SGCD: variants seen among roughly 807,000 people sequenced by gnomAD.
SGCD encodes delta-sarcoglycan.
In SGCD, 18 loss-of-function variants were observed where a neutral mutation model predicts 36.6. The ratio of observed to expected loss-of-function variants is 0.49; its 90% CI spans 0.34 to 0.73. The LOEUF is 0.73. Among genes scored for constraint, SGCD ranks in the 30% least tolerant of loss-of-function variants. The pLI is 0.01. For synonymous variants in SGCD, 133 were observed against 130.6 expected (o/e 1.02, Z -0.12); for missense variants, 387 against 346.7 (o/e 1.12, Z -0.92).
chr5:156,473,968 G>GT (rs113602671), intron 3 of SGCD, among the ~76,000 whole-genome samples: 12,460 of 143,934 alleles, frequency 0.087, 539 homozygotes, highest in Non-Finnish European at 0.096. Context: ...TTGTGTGTGG[G>GT]TTTTTTTTTT....
chr5:155,800,644 C>T, the SGCD span, among the ~76,000 whole-genome samples: 1 of 151,578 alleles, frequency 6.6e-6, no homozygotes, highest in Non-Finnish European at 1.5e-5. Context: ...GGAGTTGTGT[C>T]TTTTTTCATC....
chr5:156,240,588 C>T (rs531085551), intron 3 of SGCD, among the ~76,000 whole-genome samples: 2 of 152,250 alleles, frequency 1.3e-5, no homozygotes, highest in East Asian at 3.9e-4. Flanking sequence ...TGTTACTCAT[C>T]TGTGATGAGA....
chr5:156,738,221 A>C lies in SGCD; in HGVS notation c.576-19360A>C, dbSNP rs111820415. Among the ~76,000 whole-genome samples, 1,390 of 152,322 alleles carry C rather than the reference A, an allele frequency of 9.1e-3. 15 individuals are homozygous for C. The highest frequency in any genetic ancestry group is 0.031 in the African/African-American group (1,276 of 41,568). On this transcript the variant is annotated intron_variant, in intron 7 of 8. Coordinates refer to ENST00000337851, the MANE Select transcript of SGCD (RefSeq NM_000337.6). ...TCTTTGATATTCAAATCAATTATTT[A>C]GTTTCTATCTCACTTTAGAAAGAAT...
At chr5:156,370,132 A>G (rs975843517) in intron 3 of SGCD, among the ~76,000 whole-genome samples, 7 of 152,204 alleles carry the variant, frequency 4.6e-5, no homozygotes, top group Admixed American at 3.9e-4. Flanking sequence ...TTAAGGTCGC[A>G]GATTCTGCTC....
At chr5:156,182,570 CTGGG>C (rs1393569271) in intron 3 of SGCD, among the ~76,000 whole-genome samples, 1 of 152,128 alleles carries the variant, frequency 6.6e-6, no homozygotes, top group Non-Finnish European at 1.5e-5. Flanking sequence ...GCACTCCAGC[CTGGG>C]TGATAGAGTG....
intron 1 of SGCD, among the ~76,000 whole-genome samples, chr5:156,036,272 A>G (rs1759494427): frequency 6.6e-6 from 1 of 152,160 alleles, no homozygotes; most frequent in Non-Finnish European, 1.5e-5. Flanking sequence ...CAGGTGGCTA[A>G]CACTTAAGAT....
At chr5:156,714,975 G>A (rs114612259) in intron 7 of SGCD, among the ~76,000 whole-genome samples, 102 of 152,224 alleles carry the variant, frequency 6.7e-4, no homozygotes, top group African/African-American at 2.0e-3. Context: ...CTGTTCTACC[G>A]TTGACTGGAG....
intron 7 of SGCD, among the ~76,000 whole-genome samples, chr5:156,649,653 T>C (rs1189972187): frequency 2.0e-5 from 3 of 150,020 alleles, no homozygotes; most frequent in South Asian, 4.2e-4. Context: ...TAGGTGGGAA[T>C]TGAACAATGA....
chr5:155,799,764 C>CT, the SGCD span, among the ~76,000 whole-genome samples: 2 of 143,362 alleles, frequency 1.4e-5, no homozygotes, highest in African/African-American at 2.6e-5. Flanking sequence ...CACAATGTAA[C>CT]TTTTTTCAAA....
At chr5:156,360,225 C>T (rs1300626667) in intron 3 of SGCD, among the ~76,000 whole-genome samples, 1 of 150,926 alleles carries the variant, frequency 6.6e-6, no homozygotes, top group Admixed American at 6.6e-5. Context: ...GCCTATTTTA[C>T]ATATACCTAC....
At chr5:155,801,555 A>G in the SGCD span, among the ~76,000 whole-genome samples, 1 of 152,192 alleles carries the variant, frequency 6.6e-6, no homozygotes, top group Admixed American at 6.5e-5. Flanking sequence ...TCTGAGTTCT[A>G]CTGGAAAAGT....
intron 6 of SGCD, among the ~76,000 whole-genome samples, chr5:156,625,885 G>T (rs879414705): frequency 1.3e-5 from 2 of 152,180 alleles, no homozygotes; most frequent in Non-Finnish European, 2.9e-5. Context: ...TGAGGATGGG[G>T]TTAGTCTGGA....
intron 3 of SGCD, among the ~76,000 whole-genome samples, chr5:156,133,958 CACA>C (rs1213491424): frequency 6.9e-6 from 1 of 144,692 alleles, no homozygotes; most frequent in Non-Finnish European, 1.5e-5. Flanking sequence ...CACACACACA[CACA>C]GTTTCTCTCT....
At chr5:156,139,183 G>A (rs1226158760) in intron 3 of SGCD, among the ~76,000 whole-genome samples, 1 of 152,062 alleles carries the variant, frequency 6.6e-6, no homozygotes, top group Non-Finnish European at 1.5e-5. Context: ...TAATTTTGAT[G>A]AAGTCCAGTT....
chr5:156,555,670 TC>T (rs1350172447), intron 4 of SGCD, among the ~76,000 whole-genome samples: 1 of 148,464 alleles, frequency 6.7e-6, no homozygotes, highest in Non-Finnish European at 1.5e-5. Context: ...ACAAATTTGT[TC>T]TTTTTTTTTT....
At chr5:156,411,343 G>A (rs1772741314) in intron 3 of SGCD, among the ~76,000 whole-genome samples, 2 of 152,280 alleles carry the variant, frequency 1.3e-5, no homozygotes, top group South Asian at 2.1e-4. Context: ...GCAGCAGAAG[G>A]GCAGCCCCTT....
At chr5:155,804,496 G>A in the SGCD span, among the ~76,000 whole-genome samples, 3 of 152,196 alleles carry the variant, frequency 2.0e-5, no homozygotes, top group African/African-American at 7.2e-5. Context: ...TATGCTGTAT[G>A]ATTGTATCCA....
At chr5:155,812,073 C>T in the SGCD span, among the ~76,000 whole-genome samples, 1 of 152,150 alleles carries the variant, frequency 6.6e-6, no homozygotes, top group African/African-American at 2.4e-5. Flanking sequence ...AAGCTGGTTA[C>T]AAACAATCCA....
At chr5:156,742,443 A>G (rs1221024053) in intron 7 of SGCD, among the ~76,000 whole-genome samples, 1 of 152,136 alleles carries the variant, frequency 6.6e-6, no homozygotes, top group African/African-American at 2.4e-5. Context: ...TACTGGTAAT[A>G]AAATCTACAA....
Sources: gnomAD v4.1 joint callset for allele counts (sites outside exome capture counted in the v4.1 genomes callset) on GRCh38, gnomAD v4.1.1 for gene constraint, MANE v1.5 for transcripts, NCBI Gene and HGNC (gene_info 2026-07-23, HGNC 2026-07-21) for gene names.